LSAMP: variants seen among roughly 807,000 people sequenced by gnomAD.
LSAMP encodes limbic system associated membrane protein.
LSAMP carries 7 observed loss-of-function variants against 38.6 expected under a neutral mutation model. The ratio of observed to expected loss-of-function variants is 0.18; its 90% CI spans 0.10 to 0.34. LSAMP has a LOEUF of 0.34. Among genes scored for constraint, LSAMP ranks in the 10% least tolerant of loss-of-function variants. LSAMP has a pLI of 1.00. For synonymous variants in LSAMP, 154 were observed against 166.8 expected (o/e 0.92, Z 0.59); for missense variants, 313 against 420.0 (o/e 0.75, Z 2.23).
intron 1 of LSAMP, among the ~76,000 whole-genome samples, chr3:116,092,277 T>G (rs781663645): frequency 5.9e-5 from 9 of 152,156 alleles, no homozygotes; most frequent in Non-Finnish European, 1.0e-4. Flanking sequence ...AAGGGAAATT[T>G]AAAGAGAATT....
chr3:115,823,635 A>AT (rs201730975), intron 6 of LSAMP, among the ~76,000 whole-genome samples: 4 of 152,276 alleles, frequency 2.6e-5, no homozygotes, highest in South Asian at 2.1e-4. Context: ...AAATCAATGC[A>AT]TTTTTTTAAA....
chr3:116,239,176 T>C (rs556226465), intron 1 of LSAMP, among the ~76,000 whole-genome samples: 2 of 152,268 alleles, frequency 1.3e-5, no homozygotes, highest in South Asian at 2.1e-4. Context: ...CACAGGGCTA[T>C]GAAATGTATA....
In LSAMP at chr3:115,810,176, C is replaced by T; in HGVS notation, c.*141G>A. 1.7e-6 allele frequency: 1 copy of T among 596,646 alleles called. No homozygotes were observed. The highest frequency in any genetic ancestry group is 2.9e-5 in the East Asian group (1 of 34,572). The allele number at this position is 596,646 out of a possible 1,614,324, so 37.0% of individuals were successfully genotyped here. ...TTCTTCTTCACTTTCTTATTTCCCCCTTCATGTATAAACACACAAAGTTGT... is the reference window on the plus strand; with the variant it reads ...TTCTTCTTCACTTTCTTATTTCCCCTTTCATGTATAAACACACAAAGTTGT... On this transcript the variant is annotated 3_prime_UTR_variant, in exon 7 of 7. Transcript: ENST00000490035.
chr3:116,425,827 G>GTA (rs2049187476), intron 1 of LSAMP, among the ~76,000 whole-genome samples: 1 of 150,538 alleles, frequency 6.6e-6, no homozygotes, highest in Non-Finnish European at 1.5e-5. Flanking sequence ...CTTAAAAAGA[G>GTA]TAAAATTTAG....
chr3:116,336,154 G>T (rs1022949803), intron 1 of LSAMP, among the ~76,000 whole-genome samples: 3 of 151,776 alleles, frequency 2.0e-5, no homozygotes, highest in South Asian at 2.1e-4. Context: ...AAATTGTAAA[G>T]GTCTTAGCAA....
intron 3 of LSAMP, among the ~76,000 whole-genome samples, chr3:115,959,659 C>T (rs1938563249): frequency 6.6e-6 from 1 of 152,154 alleles, no homozygotes; most frequent in Non-Finnish European, 1.5e-5. Context: ...TCCCTATCTA[C>T]AGTAACTGTG....
At chr3:116,201,094 G>T (rs1490494461) in intron 1 of LSAMP, among the ~76,000 whole-genome samples, 1 of 152,156 alleles carries the variant, frequency 6.6e-6, no homozygotes, top group Non-Finnish European at 1.5e-5. Flanking sequence ...TCATCGGATG[G>T]GTGGGTTAGC....
chr3:116,211,683 T>C (rs1481226899), intron 1 of LSAMP, among the ~76,000 whole-genome samples: 4 of 152,202 alleles, frequency 2.6e-5, no homozygotes, highest in East Asian at 1.9e-4. Flanking sequence ...TGATTTTACA[T>C]GTATGTGAGT....
At chr3:116,196,718 G>C (rs1041273266) in intron 1 of LSAMP, among the ~76,000 whole-genome samples, 11 of 152,116 alleles carry the variant, frequency 7.2e-5, no homozygotes, top group Non-Finnish European at 1.6e-4. Context: ...TATAAAGCTA[G>C]TTCCTGTTAT....
At chr3:116,137,488 G>A (rs1308518308) in intron 1 of LSAMP, among the ~76,000 whole-genome samples, 2 of 152,052 alleles carry the variant, frequency 1.3e-5, no homozygotes, top group East Asian at 3.9e-4. Context: ...TCATTACATG[G>A]AAATATTAAG....
rs1707988773 is a variant in LSAMP at position 116,086,342 on chromosome 3, C to T, written c.370G>A (p.Val124Ile). 1.9e-6 allele frequency: 3 copies of T among 1,613,998 alleles called. No individual in the cohort carries two copies. The highest frequency in any genetic ancestry group is 1.3e-5 in the African/African-American group (1 of 74,930). Residue 124 changes from valine (V) to isoleucine (I), a missense_variant, in exon 2 of 7, where the codon GTT becomes ATT. Physicochemically the swap from Val to Ile is conservative, Grantham distance 29. Coordinates refer to ENST00000490035, the MANE Select transcript of LSAMP (RefSeq NM_002338.5). The part of the protein sequence containing the change: ...QTQHEPKTSQ[V>I]YLIVQVPPKI... Reference sequence around the variant, plus strand: ...TCCTTACCTTGTACGATCAAGTAAACTTGGGAGGTCTTGGGCTCATGCTGT... The same window carrying T: ...TCCTTACCTTGTACGATCAAGTAAATTTGGGAGGTCTTGGGCTCATGCTGT...
At chr3:116,366,263 A>C (rs2048352314) in intron 1 of LSAMP, among the ~76,000 whole-genome samples, 1 of 152,150 alleles carries the variant, frequency 6.6e-6, no homozygotes, top group Non-Finnish European at 1.5e-5. Flanking sequence ...AAACATAGGA[A>C]GTAACTTTTT....
At chr3:116,164,208 TAGAA>T (rs1054046638) in intron 1 of LSAMP, among the ~76,000 whole-genome samples, 2 of 152,102 alleles carry the variant, frequency 1.3e-5, no homozygotes, top group African/African-American at 4.8e-5. Context: ...AAAATGCAGT[TAGAA>T]AGAAGTGTCT....
At chr3:115,849,986 C>T (rs1429770319) in intron 4 of LSAMP, among the ~76,000 whole-genome samples, 4 of 152,162 alleles carry the variant, frequency 2.6e-5, no homozygotes, top group Admixed American at 2.0e-4. Context: ...TTTATAAGAT[C>T]AGGCACATGC....
At chr3:115,916,648 T>C (rs1001558561) in intron 3 of LSAMP, among the ~76,000 whole-genome samples, 7 of 152,234 alleles carry the variant, frequency 4.6e-5, no homozygotes, top group African/African-American at 7.2e-5. Flanking sequence ...TTGTAGCCTA[T>C]AGGAACTTGA....
At chr3:115,818,061 G>T (rs1487040503) in intron 6 of LSAMP, among the ~76,000 whole-genome samples, 1 of 152,150 alleles carries the variant, frequency 6.6e-6, no homozygotes, top group East Asian at 1.9e-4. Context: ...GAAGTGAGAG[G>T]CAAAGCTGAG....
At chr3:116,074,099 A>G (rs891077031) in intron 2 of LSAMP, among the ~76,000 whole-genome samples, 4 of 152,206 alleles carry the variant, frequency 2.6e-5, no homozygotes, top group African/African-American at 9.6e-5. Flanking sequence ...AATTACCTGA[A>G]TAGATTCTCC....
chr3:116,274,071 AG>A (rs2047016179), intron 1 of LSAMP, among the ~76,000 whole-genome samples: 1 of 148,316 alleles, frequency 6.7e-6, no homozygotes, highest in African/African-American at 2.5e-5. Flanking sequence ...ATTTCAGAGG[AG>A]TTTTCTGGAC....
intron 3 of LSAMP, among the ~76,000 whole-genome samples, chr3:115,968,280 C>T (rs1242262184): frequency 4.6e-5 from 7 of 152,084 alleles, no homozygotes; most frequent in African/African-American, 1.7e-4. Flanking sequence ...ATAGCCACCA[C>T]AGCTGGGAAT....
Sources: allele counts gnomAD v4.1 joint callset (sites outside exome capture counted in the v4.1 genomes callset), GRCh38; gene constraint gnomAD v4.1.1; transcripts MANE v1.5; gene names NCBI Gene and HGNC (gene_info 2026-07-23, HGNC 2026-07-21).